RNF11: variants seen among roughly 807,000 people sequenced by gnomAD.
RNF11 encodes ring finger protein 11.
RNF11 carries 4 observed loss-of-function variants against 15.8 expected under a neutral mutation model. The observed-to-expected ratio is 0.25, with a 90% CI of 0.12 to 0.58. The LOEUF (loss-of-function observed/expected upper bound fraction) is 0.58, where lower values mean the gene tolerates loss of function less well. Ranked by LOEUF, RNF11 falls within the 20% of genes least tolerant of loss-of-function variation. The pLI, the probability that RNF11 is intolerant of heterozygous loss-of-function variation, is 0.91. For synonymous variants in RNF11, 68 were observed against 72.3 expected, an observed-to-expected ratio of 0.94 and a Z score of 0.30; for missense variants, 139 against 194.4, an observed-to-expected ratio of 0.71 and a Z score of 1.70.
At chr1:51,254,728 G>A (rs1006794654) in intron 1 of RNF11, among the ~76,000 whole-genome samples, 3 of 152,184 alleles carry the variant, frequency 2.0e-5, no homozygotes, top group African/African-American at 7.2e-5. Context: ...CTCCCAAAAT[G>A]CTGGGATTAC....
At chr1:51,271,045 CT>C in intron 2 of RNF11, 105 bp from the exon 3 acceptor site, 1 of 919,286 alleles carries the variant, frequency 1.1e-6, no homozygotes, top group Non-Finnish European at 1.7e-6. Flanking sequence ...GCAAAGCATT[CT>C]GATGTGTTAC....
chr1:51,264,293 TATATATATATATATATATATATATAC>T (rs1557682310), intron 1 of RNF11, among the ~76,000 whole-genome samples: 7 of 77,662 alleles, frequency 9.0e-5, no homozygotes, highest in African/African-American at 3.9e-4. Flanking sequence ...AAAAAATATA[TATATATATATATATATATATATATAC>T]ACACACACAC....
intron 1 of RNF11, among the ~76,000 whole-genome samples, chr1:51,267,284 G>A (rs1018449417): frequency 6.6e-5 from 10 of 152,156 alleles, no homozygotes; most frequent in African/African-American, 1.9e-4. Flanking sequence ...AGCTGGGGAC[G>A]AAACACAGTA....
At chr1:51,249,216 C>T (rs1388059209) in intron 1 of RNF11, among the ~76,000 whole-genome samples, 1 of 152,162 alleles carries the variant, frequency 6.6e-6, no homozygotes. Flanking sequence ...ATGTATTATA[C>T]AGAAACTAGT....
At chr1:51,238,880 C>A (rs925020157) in intron 1 of RNF11, among the ~76,000 whole-genome samples, 4 of 152,104 alleles carry the variant, frequency 2.6e-5, no homozygotes, top group African/African-American at 4.8e-5. Context: ...CAGGCGCGTG[C>A]CACCACACCT....
chr1:51,245,166 C>T lies in RNF11; in HGVS notation c.123+8287C>T, dbSNP rs190468548. Among the ~76,000 whole-genome samples, 527 of 152,290 alleles carry T rather than the reference C, an allele frequency of 3.5e-3. 2 individuals are homozygous for T. The highest frequency in any genetic ancestry group is 0.013 in the South Asian group (61 of 4,830). The stretch of plus-strand genomic sequence containing the variant: ...CCTCAACCTCACGGGCCCAAGCCAT[C>T]CTCCCACCTCAGCCTCCTGAGTAGC... On this transcript the variant is annotated intron_variant, in intron 1 of 2. Transcript: ENST00000242719.
Position 51,271,317 on chromosome 1 carries a change from A to G in RNF11, c.460A>G (p.Asn154Asp). ...DAALLSSYET[N>D] The stretch of plus-strand genomic sequence containing the variant: ...AGCACTGCTTTCATCCTATGAGACT[A>G]ATTGAGCCAGGGTCTCTTATCTGAC... Residue 154 changes from asparagine to aspartate, a missense_variant, in exon 3 of 3, where the codon AAT becomes GAT. By Grantham distance (23) the Asn-to-Asp change is conservative (BLOSUM62 1). Coordinates refer to ENST00000242719, the MANE Select transcript of RNF11 (RefSeq NM_014372.5). 6.2e-7 allele frequency: 1 copy of G among 1,610,556 alleles called. No homozygotes were observed. Among genetic ancestry groups the G allele is most frequent in the Non-Finnish European group, 8.5e-7 (1 of 1,177,632 alleles).
chr1:51,267,492 C>T (rs1004112219), intron 1 of RNF11, among the ~76,000 whole-genome samples: 2 of 152,190 alleles, frequency 1.3e-5, no homozygotes, highest in East Asian at 3.9e-4. Flanking sequence ...GGGAACTAAG[C>T]ACAAGCTTCC....
At chr1:51,259,422 C>T (rs1036804646) in intron 1 of RNF11, among the ~76,000 whole-genome samples, 5 of 152,128 alleles carry the variant, frequency 3.3e-5, no homozygotes, top group Admixed American at 6.5e-5. Context: ...GAATTTAAGG[C>T]GTGGAAATAT....
chr1:51,251,440 GC>G lies in RNF11; in HGVS notation c.123+14570del, dbSNP rs374786560. The G allele has an allele frequency of 2.1e-3, 1,614 of 786,546 alleles. 1 individual carries two copies. Among genetic ancestry groups the G allele is most frequent in the South Asian group, 3.8e-3 (229 of 59,840 alleles). 48.7% of individuals were successfully genotyped at this position (786,546 alleles called of 1,614,324 possible). Reference sequence around the variant, plus strand: ...CAGTTCCCCATCCCAGGGCCTCCGGGCCCCCCCCCGCTGCACTGGTGTCATC... The same window carrying G: ...CAGTTCCCCATCCCAGGGCCTCCGGGCCCCCCCCGCTGCACTGGTGTCATC... On this transcript the variant is annotated intron_variant, in intron 1 of 2. Coordinates refer to ENST00000242719, the MANE Select transcript of RNF11 (RefSeq NM_014372.5).
intron 1 of RNF11, among the ~76,000 whole-genome samples, chr1:51,252,081 C>CAAAAAAAAA (rs928146865): frequency 1.3e-4 from 7 of 53,592 alleles, no homozygotes; most frequent in African/African-American, 2.1e-4. Flanking sequence ...CATCTCAAAG[C>CAAAAAAAAA]AAAAAAAAAA....
At chr1:51,237,422 G>GTA (rs771390565) in intron 1 of RNF11, among the ~76,000 whole-genome samples, 5,871 of 143,406 alleles carry the variant, frequency 0.041, 142 homozygotes, top group Middle Eastern at 0.047. Flanking sequence ...TTGTGTGTGT[G>GTA]TGTATATATA....
At position 51,240,460 on chromosome 1, in the gene RNF11, A is replaced by G. The variant is rs184097007; in HGVS notation, c.123+3581A>G. On this transcript the variant is annotated intron_variant, in intron 1 of 2. Transcript: ENST00000242719. The stretch of plus-strand genomic sequence containing the variant: ...TCTCACCCTGTTGTTTTCCCCCCCA[A>G]TACCATTTATTACATTCCAACATGT... Among the ~76,000 whole-genome samples, 7 of 152,122 alleles carry G rather than the reference A, an allele frequency of 4.6e-5. No homozygotes were observed. The East Asian group carries it at 1.2e-3, about 25-fold the overall frequency.
chr1:51,245,353 A>G (rs1480413974), intron 1 of RNF11, among the ~76,000 whole-genome samples: 1 of 152,092 alleles, frequency 6.6e-6, no homozygotes, highest in East Asian at 1.9e-4. Flanking sequence ...GGGTCTCACT[A>G]TATTGCCCAG....
In RNF11 at chr1:51,236,416, C is replaced by G. The variant is rs974468438; in HGVS notation, c.-341C>G. 18 of 170,508 alleles carry G rather than the reference C, an allele frequency of 1.1e-4. No homozygotes were observed. The highest frequency in any genetic ancestry group is 3.1e-4 in the African/African-American group (13 of 41,954). 10.6% of individuals were successfully genotyped at this position (170,508 alleles called of 1,614,324 possible). The stretch of plus-strand genomic sequence containing the variant: ...CAGCCGCGACGGCCGCGCCCCCCCC[C>G]GCTGACCTGGATTAGGCCCAGCAGC... On this transcript the variant is annotated 5_prime_UTR_variant, in exon 1 of 3. Transcript: ENST00000242719.
At chr1:51,261,687 A>AT (rs772161201) in intron 1 of RNF11, among the ~76,000 whole-genome samples, 2,273 of 127,216 alleles carry the variant, frequency 0.018, 48 homozygotes, top group African/African-American at 0.056. Context: ...CTGTGATAAG[A>AT]TTTTTTTTTT....
intron 1 of RNF11, among the ~76,000 whole-genome samples, chr1:51,242,065 C>A (rs542860466): frequency 7.2e-5 from 11 of 152,266 alleles, no homozygotes; most frequent in East Asian, 5.8e-4. Flanking sequence ...AGTCTTCTTC[C>A]CCGACCTATA....
chr1:51,264,288 A>T (rs1489928806), intron 1 of RNF11, among the ~76,000 whole-genome samples: 213 of 38,828 alleles, frequency 5.5e-3, no homozygotes, highest in African/African-American at 0.024. Flanking sequence ...AAAAAAAAAA[A>T]TATATATATA....
At chr1:51,254,899 C>T (rs1036281177) in intron 1 of RNF11, among the ~76,000 whole-genome samples, 6 of 152,102 alleles carry the variant, frequency 3.9e-5, no homozygotes, top group Non-Finnish European at 8.8e-5. Context: ...AAATGAATAG[C>T]ACATAAGTAT....
Sources: allele counts gnomAD v4.1 joint callset (sites outside exome capture counted in the v4.1 genomes callset), GRCh38; gene constraint gnomAD v4.1.1; transcripts MANE v1.5; gene names NCBI Gene and HGNC (gene_info 2026-07-23, HGNC 2026-07-21).